Variants in CYP2C18 observed in about 807,000 individuals in gnomAD.
CYP2C18 encodes cytochrome P450 2C18.
In CYP2C18, 38 loss-of-function variants were observed where a neutral mutation model predicts 41.3. The ratio of observed to expected loss-of-function variants is 0.92; its 90% CI spans 0.71 to 1.21. The LOEUF (loss-of-function observed/expected upper bound fraction) is 1.21, where lower values mean the gene tolerates loss of function less well. Among genes scored for constraint, CYP2C18 ranks in the 50% most tolerant of loss-of-function variants. The pLI is 0.00. For missense variants in CYP2C18, 635 were observed against 591.4 expected (o/e 1.07, Z -0.77); for synonymous variants, 236 against 210.0 (o/e 1.12, Z -1.07).
intron 6 of CYP2C18, among the ~76,000 whole-genome samples, chr10:94,722,015 A>T (rs1039912167): frequency 6.6e-6 from 1 of 152,184 alleles, no homozygotes; most frequent in Admixed American, 6.5e-5. Context: ...TATTTTGGAT[A>T]GATACCCAGT....
intron 5 of CYP2C18, among the ~76,000 whole-genome samples, chr10:94,710,006 T>A (rs1847409173): frequency 6.6e-6 from 1 of 152,008 alleles, no homozygotes; most frequent in Admixed American, 6.6e-5. Flanking sequence ...TGAGACAGGG[T>A]CTCGCTCTGG....
chr10:94,712,427 G>A (rs1002572179), intron 5 of CYP2C18, among the ~76,000 whole-genome samples: 3 of 150,928 alleles, frequency 2.0e-5, no homozygotes, highest in Non-Finnish European at 2.9e-5. Context: ...ACATATAAGT[G>A]AGAATATATA....
intron 8 of CYP2C18, among the ~76,000 whole-genome samples, chr10:94,734,168 A>T (rs528636187): frequency 6.6e-6 from 1 of 152,256 alleles, no homozygotes; most frequent in African/African-American, 2.4e-5. Flanking sequence ...AACAAATTTC[A>T]GGGTCAGGAA....
At chr10:94,691,008 T>C (rs1456622897) in intron 3 of CYP2C18, among the ~76,000 whole-genome samples, 1 of 152,174 alleles carries the variant, frequency 6.6e-6, no homozygotes, top group Non-Finnish European at 1.5e-5. Flanking sequence ...AATTAGGTAT[T>C]GATAGGACGT....
At chr10:94,701,551 T>C (rs965002105) in intron 4 of CYP2C18, among the ~76,000 whole-genome samples, 2 of 152,182 alleles carry the variant, frequency 1.3e-5, no homozygotes, top group Non-Finnish European at 2.9e-5. Flanking sequence ...CACACCAACA[T>C]GGCACATGTA....
intron 4 of CYP2C18, among the ~76,000 whole-genome samples, chr10:94,704,802 T>G (rs1480162650): frequency 1.3e-5 from 2 of 152,174 alleles, no homozygotes; most frequent in South Asian, 4.1e-4. Context: ...CTCCCAGCTT[T>G]TATTCTCAGG....
intron 7 of CYP2C18, among the ~76,000 whole-genome samples, chr10:94,724,808 T>A (rs1847711219): frequency 6.6e-6 from 1 of 151,964 alleles, no homozygotes; most frequent in Non-Finnish European, 1.5e-5. Flanking sequence ...AAGTAAGTGT[T>A]GAAAGTATCA....
chr10:94,694,456 G>T lies in CYP2C18; in HGVS notation c.482-461G>T, dbSNP rs181241469. ...CTGTCTTTAGTCTCCCCCTCTGCTG[G>T]TACTACACACAGTTACTTTAACTAC... On this transcript the variant is annotated intron_variant, in intron 3 of 8. Transcript: ENST00000285979. Among the ~76,000 whole-genome samples, 8 of 152,108 alleles carry T rather than the reference G, an allele frequency of 5.3e-5. No individual in the cohort carries two copies. In the East Asian group the frequency reaches 1.5e-3, roughly 29 times the overall value.
rs572098415 is a variant in CYP2C18, at chr10:94,708,871, G to A, written c.819+1911G>A. Among the ~76,000 whole-genome samples the A allele has an allele frequency of 2.0e-5, 3 of 152,224 alleles. No individual in the cohort carries two copies. The East Asian group carries it at 5.8e-4, about 29-fold the overall frequency. On this transcript the variant is annotated intron_variant, in intron 5 of 8. Transcript: ENST00000285979. Reference sequence around the variant, plus strand: ...TCTGACTTCTGTCACTTAGCACAATGTTTTCAAGGTTCATTGACATAGCAT... The same window carrying A: ...TCTGACTTCTGTCACTTAGCACAATATTTTCAAGGTTCATTGACATAGCAT...
At chr10:94,711,400 A>T (rs1447679346) in intron 5 of CYP2C18, among the ~76,000 whole-genome samples, 1 of 151,966 alleles carries the variant, frequency 6.6e-6, no homozygotes, top group Non-Finnish European at 1.5e-5. Context: ...GGCAATATTG[A>T]GTGTGACTAA....
chr10:94,715,816 C>CT (rs140517646), intron 5 of CYP2C18, among the ~76,000 whole-genome samples: 25,625 of 151,048 alleles, frequency 0.17, 2,380 homozygotes, highest in South Asian at 0.32. Flanking sequence ...TGGTCCTGGA[C>CT]TTTTTTTTTG....
chr10:94,711,808 A>G (rs939367802), intron 5 of CYP2C18, among the ~76,000 whole-genome samples: 74 of 151,780 alleles, frequency 4.9e-4, no homozygotes, highest in Non-Finnish European at 1.0e-4. Context: ...AAGTCTGTAC[A>G]TGTCCAATAT....
At chr10:94,728,009 T>C (rs950496899) in intron 7 of CYP2C18, among the ~76,000 whole-genome samples, 1 of 152,190 alleles carries the variant, frequency 6.6e-6, no homozygotes, top group Non-Finnish European at 1.5e-5. Context: ...ATAACTACAT[T>C]TTCCCAGTTA....
At chr10:94,733,550 A>G in intron 8 of CYP2C18, 112 bp downstream of exon 8, 3 of 1,542,072 alleles carry the variant, frequency 1.9e-6, no homozygotes, top group Admixed American at 1.9e-5. Context: ...TTTGCAGATC[A>G]TTAGCACCAT....
intron 1 of CYP2C18, among the ~76,000 whole-genome samples, chr10:94,684,626 A>G (rs1846850579): frequency 6.6e-6 from 1 of 152,194 alleles, no homozygotes; most frequent in Non-Finnish European, 1.5e-5. Flanking sequence ...TTGTTTCCAT[A>G]TCTTGGCTAT....
intron 2 of CYP2C18, 74 bp from the exon 3 acceptor site, chr10:94,688,051 C>T (rs965130013): frequency 1.2e-6 from 2 of 1,604,896 alleles, no homozygotes; most frequent in South Asian, 2.2e-5. Context: ...GACCTGTCCA[C>T]GTGGCTGCCG....
chr10:94,733,244 T>A, intron 7 of CYP2C18, 53 bp from the exon 8 acceptor site: 1 of 1,551,292 alleles, frequency 6.4e-7, no homozygotes, highest in Non-Finnish European at 8.8e-7. Context: ...CCATCACTTC[T>A]TCCCACTCTT....
chr10:94,721,253 G>T (rs1373481828), intron 6 of CYP2C18, among the ~76,000 whole-genome samples: 1 of 152,052 alleles, frequency 6.6e-6, no homozygotes, highest in African/African-American at 2.4e-5. Context: ...GATCTCAAAT[G>T]ATCTGCCCAC....
At chr10:94,719,867 C>T (rs1249307840) in intron 5 of CYP2C18, among the ~76,000 whole-genome samples, 6 of 151,820 alleles carry the variant, frequency 4.0e-5, no homozygotes, top group Non-Finnish European at 7.4e-5. Context: ...TGCCACCATG[C>T]CTGGCCAAGT....
Sources: gnomAD v4.1 joint callset for allele counts (sites outside exome capture counted in the v4.1 genomes callset) on GRCh38, gnomAD v4.1.1 for gene constraint, MANE v1.5 for transcripts, NCBI Gene and HGNC (gene_info 2026-07-23, HGNC 2026-07-21) for gene names.